EML1: variants seen among roughly 807,000 people sequenced by gnomAD.
EML1 encodes echinoderm microtubule-associated protein-like 1.
Under a neutral mutation model 110.4 loss-of-function variants are expected in EML1, and 27 were observed. The ratio of observed to expected loss-of-function variants is 0.24; its 90% CI spans 0.18 to 0.34. The LOEUF (loss-of-function observed/expected upper bound fraction) is 0.34. Ranked by LOEUF, EML1 falls within the 10% of genes least tolerant of loss-of-function variation. The pLI, the probability that EML1 is intolerant of heterozygous loss-of-function variation, is 1.00. For missense variants in EML1, 741 were observed against 1,030.9 expected, an observed-to-expected ratio of 0.72 and a Z score of 3.85; for synonymous variants, 344 against 385.8, an observed-to-expected ratio of 0.89 and a Z score of 1.27.
intron 17 of EML1, among the ~76,000 whole-genome samples, chr14:99,930,573 T>G (rs1421269969): frequency 2.0e-5 from 3 of 152,192 alleles, no homozygotes; most frequent in Non-Finnish European, 4.4e-5. Flanking sequence ...TAATGTTACG[T>G]GAAAGTTTAT....
In EML1 at chr14:99,936,793, T is replaced by C. The variant is rs1448001187; in HGVS notation, c.2095+459T>C. 1.3e-5 allele frequency among the ~76,000 whole-genome samples: 2 copies of C among 152,140 alleles called. No homozygotes were observed. The highest frequency in any genetic ancestry group is 2.9e-5 in the Non-Finnish European group (2 of 68,004). On this transcript the variant is annotated intron_variant, in intron 19 of 21. Transcript: ENST00000262233. This position sits in a 1 kb window ranked among gnomAD's most constrained non-coding sequence, Gnocchi z 5.5. Reference sequence around the variant, plus strand: ...TCCTCCTCCCCTCCCAACCTGACCCTGGCCAGTCTCTGGGCCCAGGCAGTG... The same window carrying C: ...TCCTCCTCCCCTCCCAACCTGACCCCGGCCAGTCTCTGGGCCCAGGCAGTG...
chr14:99,843,163 A>C (rs1314141970), intron 1 of EML1, among the ~76,000 whole-genome samples: 1 of 152,134 alleles, frequency 6.6e-6, no homozygotes, highest in Non-Finnish European at 1.5e-5. Flanking sequence ...CTGAGATAGG[A>C]GGATTGTTTG....
intron 1 of EML1, among the ~76,000 whole-genome samples, chr14:99,746,502 G>A (rs2057109926): frequency 6.6e-6 from 1 of 152,166 alleles, no homozygotes; most frequent in Admixed American, 6.5e-5. Context: ...TCCACAGGAT[G>A]GGGTGGGGGC....
rs377098905 is a variant in EML1 at position 99,750,037 on chromosome 14, C to A, written c.28+12177C>A. Among the ~76,000 whole-genome samples, 5 of 152,312 alleles carry A rather than the reference C, an allele frequency of 3.3e-5. No homozygotes were observed. The South Asian group carries it at 1.0e-3, about 32-fold the overall frequency. ...CCTCCCGCGAGGTTGGCTCTTTCTG[C>A]CCCTTATCAGGGAACTTCTGGTGGA... is the stretch of plus-strand genomic sequence containing the variant. On this transcript the variant is annotated intron_variant, in intron 1 of 10. Coordinates refer to the EML1 transcript ENST00000554479.
intron 2 of EML1, 63 bp downstream of exon 2, chr14:99,851,098 G>C: frequency 6.5e-7 from 1 of 1,530,650 alleles, no homozygotes; most frequent in African/African-American, 1.4e-5. Context: ...TCTTGCTCTA[G>C]CAAACACATT....
rs549640247 is a variant in EML1 at position 99,925,430 on chromosome 14, T to A, written c.1909+4553T>A. On this transcript the variant is annotated intron_variant, in intron 17 of 21. Coordinates refer to ENST00000262233, the MANE Select transcript of EML1 (RefSeq NM_004434.3). ...AGGCACCACCACACCCAGCTAATTT[T>A]TTTTAGAGACAGGGTATTCCTATGT... is the stretch of plus-strand genomic sequence containing the variant. 9.9e-4 allele frequency among the ~76,000 whole-genome samples: 151 copies of A among 152,228 alleles called. 1 individual carries two copies. The highest frequency in any genetic ancestry group is 3.3e-3 in the African/African-American group (138 of 41,530).
At chr14:99,911,356 G>A in intron 12 of EML1, 66 bp from the exon 13 acceptor site, 2 of 1,520,338 alleles carry the variant, frequency 1.3e-6, no homozygotes, top group Non-Finnish European at 1.8e-6. Flanking sequence ...AGTCAGATGA[G>A]ATTAGAAAAT....
intron 1 of EML1, among the ~76,000 whole-genome samples, chr14:99,812,221 G>A (rs575028314): frequency 2.6e-5 from 4 of 151,766 alleles, no homozygotes; most frequent in Non-Finnish European, 5.9e-5. Flanking sequence ...TAATTCAGGG[G>A]GTTAGGGTTG....
chr14:99,871,133 A>G (rs2059195096), intron 3 of EML1, among the ~76,000 whole-genome samples: 1 of 151,872 alleles, frequency 6.6e-6, no homozygotes, highest in African/African-American at 2.4e-5. Context: ...ATTTTTTTGT[A>G]TTTTTAGTAG....
chr14:99,748,028 T>A (rs1433225525), intron 1 of EML1, among the ~76,000 whole-genome samples: 1 of 152,128 alleles, frequency 6.6e-6, no homozygotes, highest in African/African-American at 2.4e-5. Context: ...ATCCATGAGA[T>A]CATGCGTGCC....
chr14:99,819,099 A>G (rs1340887864), intron 1 of EML1, among the ~76,000 whole-genome samples: 1 of 151,944 alleles, frequency 6.6e-6, no homozygotes, highest in Non-Finnish European at 1.5e-5. Context: ...GTAGGCATGC[A>G]CCACCCTGCT....
intron 4 of EML1, among the ~76,000 whole-genome samples, chr14:99,882,737 A>G (rs868497956): frequency 6.6e-6 from 1 of 151,692 alleles, no homozygotes; most frequent in South Asian, 2.1e-4. Flanking sequence ...GGCCACATTC[A>G]AAGTCGTCCT....
intron 1 of EML1, among the ~76,000 whole-genome samples, chr14:99,832,536 C>T (rs900040483): frequency 5.9e-5 from 9 of 152,140 alleles, no homozygotes; most frequent in South Asian, 2.1e-4. Context: ...TTGGTGTGGT[C>T]GGTCTTTTTA....
At chr14:99,923,235 G>A (rs1307471556) in intron 17 of EML1, among the ~76,000 whole-genome samples, 1 of 152,188 alleles carries the variant, frequency 6.6e-6, no homozygotes, top group African/African-American at 2.4e-5. Flanking sequence ...GAGCCACCAT[G>A]CCCAGCCTTC....
exon 1 of EML1, chr14:99,773,190 G>C (rs558041156): frequency 6.6e-6 from 1 of 152,114 alleles, no homozygotes; most frequent in East Asian, 1.9e-4. Context: ...TTTTTGTTTC[G>C]GTAAATAAAG....
At position 99,874,972 on chromosome 14, in the gene EML1, A is replaced by G. The variant is rs376981141; in HGVS notation, c.384-3513A>G. On this transcript the variant is annotated intron_variant, in intron 3 of 21. Transcript: ENST00000262233. The stretch of plus-strand genomic sequence containing the variant: ...AGTCTTCTCAATGCTTGCAAACTGA[A>G]TAGATCGACACCAAGGTGAGGGGAA... The G allele has an allele frequency of 3.7e-6, 6 of 1,613,752 alleles. No homozygotes were observed. Among genetic ancestry groups the G allele is most frequent in the Admixed American group, 1.7e-5 (1 of 59,988 alleles).
chr14:99,765,924 A>T (rs1386395384), intron 1 of EML1, among the ~76,000 whole-genome samples: 2 of 152,032 alleles, frequency 1.3e-5, no homozygotes, highest in Non-Finnish European at 2.9e-5. Flanking sequence ...GTTAATAATT[A>T]AAGGTTAATA....
At chr14:99,931,557 T>G (rs1033498858) in intron 17 of EML1, among the ~76,000 whole-genome samples, 2 of 152,194 alleles carry the variant, frequency 1.3e-5, no homozygotes, top group African/African-American at 4.8e-5. Flanking sequence ...GATTTTCATT[T>G]TGGGCCAAAT....
At chr14:99,930,159 G>A (rs1482600771) in intron 17 of EML1, among the ~76,000 whole-genome samples, 2 of 152,238 alleles carry the variant, frequency 1.3e-5, no homozygotes, top group African/African-American at 4.8e-5. Flanking sequence ...CAAGGTTCAA[G>A]GTTGATGTTA....
Sources: allele counts gnomAD v4.1 joint callset (sites outside exome capture counted in the v4.1 genomes callset), GRCh38; gene constraint gnomAD v4.1.1; non-coding constraint Gnocchi (gnomAD v3.1); transcripts MANE v1.5; gene names NCBI Gene and HGNC (gene_info 2026-07-23, HGNC 2026-07-21).